The following LNX1 variants were observed in gnomAD, a reference collection of about 807,000 sequenced individuals.
The protein encoded by LNX1 is ligand of numb-protein X 1, also known as E3 ubiquitin-protein ligase LNX.
LNX1 carries 54 observed loss-of-function variants against 68.4 expected under a neutral mutation model. That is an observed-to-expected ratio of 0.79 (90% CI 0.63 to 0.99). The LOEUF (loss-of-function observed/expected upper bound fraction) is 0.99. LNX1 is among the 50% of genes least tolerant of loss of function. LNX1 has a pLI of 0.00. For synonymous variants in LNX1, 336 were observed against 350.0 expected (o/e 0.96, Z 0.45); for missense variants, 906 against 926.4 (o/e 0.98, Z 0.29).
rs1227472604 is a variant in LNX1 at position 53,463,636 on chromosome 4, A to G, written c.1893-2043T>C. ...GCACTCATTCTCTAAATTTAGGCCT[A>G]TCGAAGATTTGGCATAGTATAAGGA... On this transcript the variant is annotated intron_variant, in intron 9 of 10. Coordinates refer to ENST00000263925, the MANE Select transcript of LNX1 (RefSeq NM_001126328.3). 6.7e-5 allele frequency among the ~76,000 whole-genome samples: 5 copies of G among 74,412 alleles called. No individual in the cohort carries two copies. In the Admixed American group the frequency reaches 7.0e-4, roughly 10 times the overall value. The allele number at this position is 74,412 out of a possible 152,430, so 48.8% of individuals were successfully genotyped here. A position where few individuals can be genotyped will look rare whatever the true frequency, so the allele number is the denominator to read the frequency against.
chr4:53,523,736 A>G (rs2109586621), intron 2 of LNX1, among the ~76,000 whole-genome samples: 1 of 152,338 alleles, frequency 6.6e-6, no homozygotes, highest in African/African-American at 2.4e-5. Context: ...ACAGACCCAG[A>G]TGCATTGTAG....
intron 2 of LNX1, among the ~76,000 whole-genome samples, chr4:53,543,991 T>C (rs1473425375): frequency 6.6e-6 from 1 of 152,246 alleles, no homozygotes; most frequent in Non-Finnish European, 1.5e-5. Flanking sequence ...CTGGGTCTTT[T>C]GTAACTGAAG....
At chr4:53,601,367 C>T (rs903722420) in intron 2 of LNX1, among the ~76,000 whole-genome samples, 14 of 152,136 alleles carry the variant, frequency 9.2e-5, no homozygotes, top group East Asian at 3.9e-4. Flanking sequence ...CTCCCACTTT[C>T]GCTGAGTCTG....
chr4:53,478,586 T>C lies in LNX1; in HGVS notation c.1642A>G (p.Arg548Gly), dbSNP rs1408643791. Residue 548 changes from arginine (R) to glycine (G), a missense_variant, in exon 8 of 11, where the codon AGA becomes GGA. Coordinates refer to ENST00000263925, the MANE Select transcript of LNX1 (RefSeq NM_001126328.3). The stretch of plus-strand genomic sequence containing the variant: ...TTACCTGTTTTTATTCTTCCATCTC[T>C]GCTTATGACTCCTCCGGGCTCAACA... ...ISVEPGGVIS[R>G]DGRIKTGDIL... 1.2e-6 allele frequency: 2 copies of C among 1,611,328 alleles called. No homozygotes were observed. Among genetic ancestry groups the C allele is most frequent in the East Asian group, 2.2e-5 (1 of 44,856 alleles).
chr4:53,548,428 T>C (rs1039242743), intron 2 of LNX1, among the ~76,000 whole-genome samples: 2 of 152,260 alleles, frequency 1.3e-5, no homozygotes, highest in Non-Finnish European at 2.9e-5. Flanking sequence ...TATAATTTTA[T>C]ATAGATAACT....
intron 2 of LNX1, chr4:53,557,808 A>G (rs1212290101): frequency 5.7e-6 from 9 of 1,588,020 alleles, no homozygotes; most frequent in Non-Finnish European, 7.8e-6. Context: ...TAGGGAATGG[A>G]CTCGGGTCCC....
At chr4:53,570,043 C>T (rs929347845) in intron 2 of LNX1, among the ~76,000 whole-genome samples, 8 of 152,076 alleles carry the variant, frequency 5.3e-5, no homozygotes, top group Admixed American at 2.0e-4. Context: ...TGGAGAAATA[C>T]GAACACTTTT....
At chr4:53,488,053 A>G (rs558567210) in intron 6 of LNX1, among the ~76,000 whole-genome samples, 1 of 152,302 alleles carries the variant, frequency 6.6e-6, no homozygotes, top group Admixed American at 6.5e-5. Flanking sequence ...TAAAATTAGA[A>G]AGTCACAGAC....
intron 2 of LNX1, among the ~76,000 whole-genome samples, chr4:53,528,572 G>C (rs934576862): frequency 6.6e-6 from 1 of 152,094 alleles, no homozygotes; most frequent in Non-Finnish European, 1.5e-5. Context: ...TATTAATTTA[G>C]CTTTATCACA....
intron 1 of LNX1, chr4:53,575,419 A>G (rs182734919): frequency 2.3e-5 from 18 of 770,942 alleles, no homozygotes; most frequent in Non-Finnish European, 2.8e-5. Flanking sequence ...GTCAATAAAT[A>G]GTTTTCAAGC....
chr4:53,537,752 C>G (rs936245194), intron 2 of LNX1, among the ~76,000 whole-genome samples: 3 of 152,180 alleles, frequency 2.0e-5, no homozygotes, highest in Non-Finnish European at 2.9e-5. Flanking sequence ...GGAGCCTACC[C>G]AAACCACACC....
chr4:53,520,011 A>G (rs1238637815), intron 2 of LNX1, among the ~76,000 whole-genome samples: 2 of 152,218 alleles, frequency 1.3e-5, no homozygotes, highest in Non-Finnish European at 2.9e-5. Context: ...GTGAATGCTC[A>G]TAACCATGAC....
At chr4:53,648,095 T>G (rs1166698148) in intron 1 of LNX1, among the ~76,000 whole-genome samples, 1 of 152,286 alleles carries the variant, frequency 6.6e-6, no homozygotes, top group Admixed American at 6.5e-5. Flanking sequence ...GAGTCCCTAC[T>G]TTCAATTCTT....
chr4:53,621,584 A>G (rs1733882282), upstream of LNX1, among the ~76,000 whole-genome samples: 1 of 152,114 alleles, frequency 6.6e-6, no homozygotes, highest in East Asian at 1.9e-4. Flanking sequence ...TTTACAGTCC[A>G]CTCTGTCGCA....
chr4:53,576,151 GC>G (rs1731477395), intron 1 of LNX1: 1 of 1,565,900 alleles, frequency 6.4e-7, no homozygotes, highest in Admixed American at 1.9e-5. Flanking sequence ...GCAGCAGGGG[GC>G]CTGGCTGCCC....
rs1183697828 is a variant in LNX1, at chr4:53,480,733, G to T, written c.1485+987C>A. On this transcript the variant is annotated intron_variant, in intron 7 of 10. Coordinates refer to ENST00000263925, the MANE Select transcript of LNX1 (RefSeq NM_001126328.3). ...GGCTATGTAATTAACATAGTATAAA[G>T]CAGAGATGTTCCAAAATAAAAAATT... is the stretch of plus-strand genomic sequence containing the variant. Among the ~76,000 whole-genome samples the T allele has an allele frequency of 6.6e-5, 10 of 152,246 alleles. No individual in the cohort carries two copies. In the South Asian group the frequency reaches 2.1e-3, roughly 32 times the overall value.
chr4:53,576,197 C>A (rs1731479871), intron 1 of LNX1: 1 of 1,587,468 alleles, frequency 6.3e-7, no homozygotes, highest in Admixed American at 1.8e-5. Context: ...GTGGATGTGA[C>A]AATCTCCACC....
At chr4:53,618,907 T>A (rs984112133), upstream of LNX1, among the ~76,000 whole-genome samples, 2 of 152,190 alleles carry the variant, frequency 1.3e-5, no homozygotes, top group African/African-American at 4.8e-5. Flanking sequence ...TTGTTTTTTT[T>A]ATATGTATAC....
intron 1 of LNX1, among the ~76,000 whole-genome samples, chr4:53,589,016 G>A (rs941683613): frequency 5.3e-5 from 8 of 152,284 alleles, no homozygotes; most frequent in South Asian, 2.1e-4. Flanking sequence ...CCAGAGGCTC[G>A]GCATGAACCC....
Sources: allele counts gnomAD v4.1 joint callset (sites outside exome capture counted in the v4.1 genomes callset), GRCh38; gene constraint gnomAD v4.1.1; transcripts MANE v1.5; gene names NCBI Gene and HGNC (gene_info 2026-07-23, HGNC 2026-07-21).